CSMD1: variants seen among roughly 807,000 people sequenced by gnomAD.
The protein encoded by CSMD1 is CUB and Sushi multiple domains 1, also known as CUB and sushi domain-containing protein 1.
Under a neutral mutation model 417.5 loss-of-function variants are expected in CSMD1, and 213 were observed. That is an observed-to-expected ratio of 0.51 (90% confidence interval 0.46 to 0.57). The LOEUF is 0.57. Among genes scored for constraint, CSMD1 ranks in the 20% least tolerant of loss-of-function variants. CSMD1 has a pLI of 0.00. For missense variants in CSMD1, 6,923 were observed against 4,529.7 expected (o/e 1.53, Z -15.17); for synonymous variants, 2,862 against 1,736.8 (o/e 1.65, Z -16.11).
intron 3 of CSMD1, among the ~76,000 whole-genome samples, chr8:4,361,772 G>A (rs545653346): frequency 2.0e-5 from 3 of 152,046 alleles, no homozygotes; most frequent in African/African-American, 7.2e-5. Context: ...TGGCTAACAC[G>A]GTGAAACCCC....
intron 1 of CSMD1, among the ~76,000 whole-genome samples, chr8:4,724,995 G>A (rs368947976): frequency 9.9e-5 from 15 of 152,078 alleles, no homozygotes; most frequent in African/African-American, 3.4e-4. Flanking sequence ...TTGGTTGAGG[G>A]AAAAGTCGTG....
In CSMD1 at chr8:3,188,883, T is replaced by G; in HGVS notation, c.5523+4A>C. ...GTTGTAGACTGTGGACTTCAAGGAC[T>G]CACCTGAATTCCCGAGCCCTCCGTA... On this transcript the variant is annotated splice_donor_region_variant and intron_variant, in intron 35 of 69. Coordinates refer to ENST00000635120, the MANE Select transcript of CSMD1 (RefSeq NM_033225.6). 1.9e-6 allele frequency: 3 copies of G among 1,557,884 alleles called. No individual in the cohort carries two copies. The highest frequency in any genetic ancestry group is 2.6e-6 in the Non-Finnish European group (3 of 1,150,694).
chr8:3,993,485 G>T (rs1246744753), intron 5 of CSMD1, among the ~76,000 whole-genome samples: 1 of 152,072 alleles, frequency 6.6e-6, no homozygotes, highest in Admixed American at 6.6e-5. Flanking sequence ...CCATTTCTCT[G>T]AAGTTTTGTT....
At chr8:4,975,455 A>T (rs1454003859) in intron 1 of CSMD1, among the ~76,000 whole-genome samples, 1 of 152,202 alleles carries the variant, frequency 6.6e-6, no homozygotes, top group East Asian at 1.9e-4. Context: ...TGTATTCATC[A>T]ATCTGATAGC....
At chr8:3,956,296 C>G (rs986962912) in intron 5 of CSMD1, among the ~76,000 whole-genome samples, 2 of 152,154 alleles carry the variant, frequency 1.3e-5, no homozygotes, top group South Asian at 2.1e-4. Context: ...CACATCAAAA[C>G]TGTTATTATC....
chr8:3,080,730 A>G (rs138277898), intron 49 of CSMD1, among the ~76,000 whole-genome samples: 14 of 152,264 alleles, frequency 9.2e-5, no homozygotes, highest in African/African-American at 3.4e-4. Context: ...GGCTTATCCT[A>G]TATTATTTAT....
intron 10 of CSMD1, among the ~76,000 whole-genome samples, chr8:3,503,849 C>A (rs1294851343): frequency 6.6e-6 from 1 of 151,160 alleles, no homozygotes; most frequent in Non-Finnish European, 1.5e-5. Flanking sequence ...CCCCAACCCC[C>A]ACACTCTTCC....
chr8:4,030,132 T>A (rs1221596052), intron 4 of CSMD1, among the ~76,000 whole-genome samples: 1 of 152,128 alleles, frequency 6.6e-6, no homozygotes, highest in African/African-American at 2.4e-5. Context: ...TCCAGGTGCA[T>A]GATGCAAGGT....
chr8:4,548,261 T>A (rs1483348492), intron 2 of CSMD1, among the ~76,000 whole-genome samples: 1 of 152,200 alleles, frequency 6.6e-6, no homozygotes, highest in Admixed American at 6.5e-5. Context: ...GTTATCTTTA[T>A]GAAAACTATC....
intron 2 of CSMD1, among the ~76,000 whole-genome samples, chr8:4,551,697 G>A (rs1585238571): frequency 6.6e-6 from 1 of 151,974 alleles, no homozygotes; most frequent in Admixed American, 6.6e-5. Context: ...TTTTGAGACA[G>A]GGTCTTGCTC....
chr8:4,338,266 G>C (rs1800285707), intron 3 of CSMD1, among the ~76,000 whole-genome samples: 1 of 152,150 alleles, frequency 6.6e-6, no homozygotes, highest in Non-Finnish European at 1.5e-5. Context: ...TTCCATAGTT[G>C]AGTAAGTGCA....
At chr8:4,768,106 A>G (rs1812592538) in intron 1 of CSMD1, among the ~76,000 whole-genome samples, 1 of 152,110 alleles carries the variant, frequency 6.6e-6, no homozygotes, top group Non-Finnish European at 1.5e-5. Context: ...GTGTTCTCTC[A>G]TAACTGTAAA....
intron 26 of CSMD1, chr8:3,279,299 C>G (rs1037267834): frequency 6.6e-6 from 1 of 152,242 alleles, no homozygotes; most frequent in African/African-American, 2.4e-5. Flanking sequence ...CTGAATCATC[C>G]AGCAACTCCC....
chr8:3,114,187 T>A (rs1474335070), intron 42 of CSMD1, among the ~76,000 whole-genome samples: 1 of 152,134 alleles, frequency 6.6e-6, no homozygotes, highest in South Asian at 2.1e-4. Flanking sequence ...AAGGCTACAG[T>A]GAGCAGTGAT....
chr8:4,188,991 G>C (rs1311299092), intron 3 of CSMD1, among the ~76,000 whole-genome samples: 2 of 152,168 alleles, frequency 1.3e-5, no homozygotes, highest in Non-Finnish European at 2.9e-5. Flanking sequence ...ATGTTGGACT[G>C]TGATGTAAAC....
intron 2 of CSMD1, among the ~76,000 whole-genome samples, chr8:4,514,042 A>C (rs1802974733): frequency 2.0e-5 from 3 of 152,146 alleles, no homozygotes; most frequent in Admixed American, 2.0e-4. Context: ...AAATACCACA[A>C]ACTAGGTAGC....
intron 2 of CSMD1, among the ~76,000 whole-genome samples, chr8:4,485,250 A>G (rs1474447982): frequency 1.3e-5 from 2 of 152,312 alleles, no homozygotes; most frequent in East Asian, 3.9e-4. Context: ...ATGAAGCACC[A>G]TCATGTTCAA....
At chr8:3,241,295 C>G (rs61113769) in intron 26 of CSMD1, among the ~76,000 whole-genome samples, 16 of 149,482 alleles carry the variant, frequency 1.1e-4, no homozygotes, top group Admixed American at 1.0e-3. Context: ...GAAGCCTGGC[C>G]GTCAATACCC....
intron 1 of CSMD1, among the ~76,000 whole-genome samples, chr8:4,659,752 G>A (rs186944444): frequency 9.9e-4 from 151 of 152,130 alleles, no homozygotes; most frequent in Middle Eastern, 3.4e-3. Flanking sequence ...ATGTACTGAC[G>A]CCTCGGATTT....
Sources: allele counts gnomAD v4.1 joint callset (sites outside exome capture counted in the v4.1 genomes callset), GRCh38; gene constraint gnomAD v4.1.1; transcripts MANE v1.5; gene names NCBI Gene and HGNC (gene_info 2026-07-23, HGNC 2026-07-21).